The following SESN3 variants were observed in gnomAD, a reference collection of about 807,000 sequenced individuals.
SESN3 encodes the protein sestrin-3.
SESN3 carries 21 observed loss-of-function variants against 55.3 expected under a neutral mutation model. The observed-to-expected ratio is 0.38, with a 90% confidence interval of 0.27 to 0.55. The LOEUF (loss-of-function observed/expected upper bound fraction) is 0.55, where lower values mean the gene tolerates loss of function less well. Ranked by LOEUF, SESN3 falls within the 20% of genes least tolerant of loss-of-function variation. SESN3 has a pLI of 0.76. For missense variants in SESN3, 408 were observed against 604.3 expected (o/e 0.68, Z 3.41); for synonymous variants, 181 against 203.1 (o/e 0.89, Z 0.93).
At chr11:95,177,229 A>G (rs1200170473) in intron 8 of SESN3, among the ~76,000 whole-genome samples, 1 of 152,162 alleles carries the variant, frequency 6.6e-6, no homozygotes, top group Admixed American at 6.5e-5. Flanking sequence ...ATTAATTTAT[A>G]TTGGCTGATA....
intron 3 of SESN3, among the ~76,000 whole-genome samples, chr11:95,191,181 T>A (rs1486634969): frequency 6.6e-6 from 1 of 152,104 alleles, no homozygotes; most frequent in East Asian, 1.9e-4. Context: ...TGAAAAATGA[T>A]TTTACTGAAA....
At chr11:95,183,844 A>C (rs896808100) in intron 6 of SESN3, among the ~76,000 whole-genome samples, 5 of 152,148 alleles carry the variant, frequency 3.3e-5, no homozygotes, top group Non-Finnish European at 5.9e-5. Flanking sequence ...CGAGTATTAG[A>C]AAAACTGTTT....
Position 95,173,232 on chromosome 11 carries a change from T to C in SESN3, c.*23A>G. The C allele has an allele frequency of 6.9e-7, 1 of 1,457,426 alleles. No individual in the cohort carries two copies. The highest frequency in any genetic ancestry group is 9.6e-7 in the Non-Finnish European group (1 of 1,045,406). 90.3% of individuals were successfully genotyped at this position (1,457,426 alleles called of 1,614,324 possible). ...TATGTGAAAGGTCTTTACACATGTA[T>C]GACATTTTCCTTGGGTGATACTTCA... On this transcript the variant is annotated 3_prime_UTR_variant, in exon 10 of 10. Transcript: ENST00000536441.
In SESN3 at chr11:95,224,499, A is replaced by C. The variant is rs1172478920; in HGVS notation, c.78+6284T>G. The C allele has an allele frequency of 6.9e-6, 3 of 434,242 alleles. No individual in the cohort carries two copies. In the Admixed American group the frequency reaches 8.2e-5, roughly 12 times the overall value. The allele number at this position is 434,242 out of a possible 1,614,324, so 26.9% of individuals were successfully genotyped here. A position where few individuals can be genotyped will look rare whatever the true frequency, so the allele number is the denominator to read the frequency against. ...GCTGCTCTTGGCTGAAAAGGAAAGA[A>C]AGACCCCAATTAATAATGTCTTTCT... On this transcript the variant is annotated intron_variant, in intron 1 of 9. Coordinates refer to ENST00000536441, the MANE Select transcript of SESN3 (RefSeq NM_144665.4).
Position 95,230,677 on chromosome 11 carries a change from G to A in SESN3, c.78+106C>T, listed in dbSNP as rs1861039808. On this transcript the variant is annotated intron_variant, in intron 1 of 9. Coordinates refer to ENST00000536441, the MANE Select transcript of SESN3 (RefSeq NM_144665.4). This position sits in a 1 kb window ranked among gnomAD's most constrained non-coding sequence, Gnocchi z 4.6. Reference sequence around the variant, plus strand: ...CAGTCCCTGCGGAGGGACGGTGCCCGGGGATCCCTCTCAGCCTCCCCCAGT... The same window carrying A: ...CAGTCCCTGCGGAGGGACGGTGCCCAGGGATCCCTCTCAGCCTCCCCCAGT... 1.3e-6 allele frequency: 1 copy of A among 771,754 alleles called. No individual in the cohort carries two copies. Among genetic ancestry groups the A allele is most frequent in the South Asian group, 1.6e-5 (1 of 64,122 alleles). The allele number at this position is 771,754 out of a possible 1,614,324, so 47.8% of individuals were successfully genotyped here. A position where few individuals can be genotyped will look rare whatever the true frequency, so the allele number is the denominator to read the frequency against.
At chr11:95,227,006 C>G (rs1467098271) in intron 1 of SESN3, among the ~76,000 whole-genome samples, 2 of 152,150 alleles carry the variant, frequency 1.3e-5, no homozygotes, top group Non-Finnish European at 2.9e-5. Context: ...AAGTTAAAAA[C>G]TGCCTTTGAC....
chr11:95,193,662 A>G, intron 1 of SESN3, 140 bp from the exon 2 acceptor site: 1 of 587,804 alleles, frequency 1.7e-6, no homozygotes, highest in South Asian at 2.1e-5. Context: ...GTTGGGTTTC[A>G]GATCAAAGAA....
intron 1 of SESN3, among the ~76,000 whole-genome samples, chr11:95,220,204 T>TGGTG (rs1860833963): frequency 6.6e-6 from 1 of 152,046 alleles, no homozygotes; most frequent in African/African-American, 2.4e-5. Context: ...GCCAAATGAG[T>TGGTG]GGTGGAAATG....
intron 1 of SESN3, among the ~76,000 whole-genome samples, chr11:95,219,636 C>G (rs927020330): frequency 6.6e-6 from 1 of 152,184 alleles, no homozygotes; most frequent in Admixed American, 6.5e-5. Flanking sequence ...TATTACCCAA[C>G]TTTATCTCTT....
chr11:95,182,470 C>G (rs1404904120), intron 6 of SESN3, among the ~76,000 whole-genome samples: 1 of 152,106 alleles, frequency 6.6e-6, no homozygotes, highest in Non-Finnish European at 1.5e-5. Context: ...TCTCTTCTAC[C>G]CTTTGTATTC....
At chr11:95,215,775 C>G (rs992558825) in intron 1 of SESN3, among the ~76,000 whole-genome samples, 1 of 152,218 alleles carries the variant, frequency 6.6e-6, no homozygotes, top group Non-Finnish European at 1.5e-5. Context: ...TGAATCCAAT[C>G]TAGCTTTTCC....
At chr11:95,193,572 T>C in intron 1 of SESN3, 50 bp from the exon 2 acceptor site, 2 of 1,008,584 alleles carry the variant, frequency 2.0e-6, no homozygotes, top group South Asian at 2.7e-5. Context: ...TTCTAAGAAA[T>C]GTTAAATTTG....
chr11:95,220,557 ATAGATT>A (rs1270399613), intron 1 of SESN3, among the ~76,000 whole-genome samples: 1 of 152,248 alleles, frequency 6.6e-6, no homozygotes, highest in African/African-American at 2.4e-5. Context: ...GTGTTTCTCA[ATAGATT>A]TAATCTTATA....
intron 1 of SESN3, among the ~76,000 whole-genome samples, chr11:95,208,356 G>C (rs1860587972): frequency 6.6e-6 from 1 of 151,430 alleles, no homozygotes; most frequent in Admixed American, 6.6e-5. Context: ...GTTTTGTAGA[G>C]AGTTCATATA....
rs557296353 is a variant in SESN3 at position 95,169,349 on chromosome 11, C to G, written c.*3906G>C. On this transcript the variant is annotated 3_prime_UTR_variant, in exon 10 of 10. Coordinates refer to ENST00000536441, the MANE Select transcript of SESN3 (RefSeq NM_144665.4). Reference sequence around the variant, plus strand: ...TAAATTAGGTAACTTAAAACTCAATCTGAGCAGAGGAGCCACGACTTTCAG... The same window carrying G: ...TAAATTAGGTAACTTAAAACTCAATGTGAGCAGAGGAGCCACGACTTTCAG... 6.6e-6 allele frequency: 1 copy of G among 152,306 alleles called. No individual in the cohort carries two copies. Among genetic ancestry groups the G allele is most frequent in the Admixed American group, 6.5e-5 (1 of 15,300 alleles). 9.4% of individuals were successfully genotyped at this position (152,306 alleles called of 1,614,324 possible).
intron 1 of SESN3, among the ~76,000 whole-genome samples, chr11:95,209,660 C>G (rs933831087): frequency 4.6e-5 from 7 of 151,212 alleles, no homozygotes; most frequent in Non-Finnish European, 7.4e-5. Flanking sequence ...AAATGCCTAT[C>G]AATGATAGAC....
chr11:95,203,165 A>G (rs1860489416), intron 1 of SESN3, among the ~76,000 whole-genome samples: 1 of 152,064 alleles, frequency 6.6e-6, no homozygotes, highest in Admixed American at 6.6e-5. Context: ...TAAAATCAAA[A>G]GGCTTTAGGT....
At chr11:95,200,378 C>G (rs1240044231) in intron 1 of SESN3, among the ~76,000 whole-genome samples, 1 of 152,056 alleles carries the variant, frequency 6.6e-6, no homozygotes, top group Non-Finnish European at 1.5e-5. Context: ...AATGTGACTT[C>G]TATACCATAT....
intron 1 of SESN3, chr11:95,224,418 A>G (rs996851216): frequency 4.7e-6 from 2 of 421,882 alleles, no homozygotes; most frequent in African/African-American, 4.1e-5. Context: ...AATCATTGTC[A>G]GTGATAAAAA....
Sources: gnomAD v4.1 joint callset for allele counts (sites outside exome capture counted in the v4.1 genomes callset) on GRCh38, gnomAD v4.1.1 for gene constraint, Gnocchi (gnomAD v3.1) non-coding constraint, MANE v1.5 for transcripts, NCBI Gene and HGNC (gene_info 2026-07-23, HGNC 2026-07-21) for gene names.